CCDC7: variants seen among roughly 807,000 people sequenced by gnomAD.
The protein encoded by CCDC7 is coiled-coil domain-containing protein 7.
A neutral mutation model predicts 196.9 loss-of-function variants in CCDC7; 183 were observed. The ratio of observed to expected loss-of-function variants is 0.93; its 90% CI spans 0.82 to 1.05. The LOEUF (loss-of-function observed/expected upper bound fraction) is 1.05. CCDC7 is among the 50% of genes least tolerant of loss of function. The pLI, the probability that CCDC7 is intolerant of heterozygous loss-of-function variation, is 0.00. For synonymous variants in CCDC7, 525 were observed against 484.6 expected (o/e 1.08, Z -1.10); for missense variants, 1,540 against 1,482.2 (o/e 1.04, Z -0.64).
intron 41 of CCDC7, among the ~76,000 whole-genome samples, chr10:32,861,631 G>T (rs2093988048): frequency 6.6e-6 from 1 of 152,032 alleles, no homozygotes; most frequent in East Asian, 1.9e-4. Context: ...TAGTGAACAG[G>T]CAACCTACAG....
intron 24 of CCDC7, among the ~76,000 whole-genome samples, chr10:32,709,193 C>T (rs1190535212): frequency 6.6e-6 from 1 of 151,760 alleles, no homozygotes; most frequent in Non-Finnish European, 1.5e-5. Flanking sequence ...AAGCTGGAAA[C>T]CATCATTCTC....
chr10:32,832,986 C>T (rs2092328385), intron 32 of CCDC7, among the ~76,000 whole-genome samples: 1 of 151,886 alleles, frequency 6.6e-6, no homozygotes, highest in Non-Finnish European at 1.5e-5. Flanking sequence ...TAGATGGTAA[C>T]TCAAATCCAC....
Position 32,807,496 on chromosome 10 carries a change from A to G in CCDC7, c.3097+2398A>G, listed in dbSNP as rs954659780. Among the ~76,000 whole-genome samples, 28 of 152,226 alleles carry G rather than the reference A, an allele frequency of 1.8e-4. 1 individual carries two copies. The highest frequency in any genetic ancestry group is 6.5e-4 in the African/African-American group (27 of 41,532). ...AACAAATTTGGGAATTGATAATCAT[A>G]TTTCAAATAGATCGTCTAATCAGGA... On this transcript the variant is annotated intron_variant, in intron 30 of 41. Coordinates refer to ENST00000639629, the Ensembl canonical transcript of CCDC7.
At chr10:32,518,535 C>G in intron 11 of CCDC7, 30 bp downstream of exon 12, 1 of 1,571,124 alleles carries the variant, frequency 6.4e-7, no homozygotes, top group East Asian at 2.3e-5. Flanking sequence ...TTGAAAATGG[C>G]ATACACCTAA....
chr10:32,779,056 A>AATT, exon 29 of CCDC7: 1 of 1,549,916 alleles, frequency 6.5e-7, no homozygotes, highest in Non-Finnish European at 8.7e-7. Flanking sequence ...GCGACCTAAT[A>AATT]ATTCAATTTG....
chr10:32,474,059 T>C, intron 8 of CCDC7, 36 bp downstream of exon 9: 4 of 1,587,524 alleles, frequency 2.5e-6, no homozygotes, highest in Non-Finnish European at 2.6e-6. Flanking sequence ...ATTGTGATAA[T>C]AACCTCTGTT....
At position 32,647,841 on chromosome 10, in the gene CCDC7, A is replaced by T. The variant is rs187003370; in HGVS notation, c.2014+12683A>T. Among the ~76,000 whole-genome samples the T allele has an allele frequency of 4.1e-3, 618 of 152,326 alleles. 10 individuals carry two copies. Among genetic ancestry groups the T allele is most frequent in the Admixed American group, 0.026 (393 of 15,292 alleles). On this transcript the variant is annotated intron_variant, in intron 20 of 41. Transcript: ENST00000639629. Reference sequence around the variant, plus strand: ...AAGTTCTTTAGTTTAATTAAATCCTACTTGTCTATTTTTGTTTTTGTTGCA... The same window carrying T: ...AAGTTCTTTAGTTTAATTAAATCCTTCTTGTCTATTTTTGTTTTTGTTGCA...
At chr10:32,734,198 A>G (rs1435702758) in intron 28 of CCDC7, among the ~76,000 whole-genome samples, 1 of 152,206 alleles carries the variant, frequency 6.6e-6, no homozygotes, top group Non-Finnish European at 1.5e-5. Context: ...TCAATGACAA[A>G]TTATCTGTAT....
At chr10:32,493,964 A>G (rs910021318) in intron 9 of CCDC7, among the ~76,000 whole-genome samples, 2 of 152,086 alleles carry the variant, frequency 1.3e-5, no homozygotes, top group African/African-American at 4.8e-5. Flanking sequence ...ATGGTTTGCA[A>G]ATATTTTCTC....
At chr10:32,867,613 A>G (rs1336736697) in intron 41 of CCDC7, among the ~76,000 whole-genome samples, 1 of 151,628 alleles carries the variant, frequency 6.6e-6, no homozygotes, top group Non-Finnish European at 1.5e-5. Context: ...ACTAACGGGA[A>G]AATGGGCAAA....
intron 25 of CCDC7, among the ~76,000 whole-genome samples, chr10:32,722,361 G>A (rs192297911): frequency 2.0e-5 from 3 of 152,208 alleles, no homozygotes; most frequent in African/African-American, 4.8e-5. Context: ...TTACAGCAGC[G>A]ATCTACTTCC....
At chr10:32,653,666 G>C (rs571180685) in intron 20 of CCDC7, among the ~76,000 whole-genome samples, 1 of 152,202 alleles carries the variant, frequency 6.6e-6, no homozygotes, top group East Asian at 1.9e-4. Flanking sequence ...CTGAGAAAAT[G>C]GGTGAGGTTT....
chr10:32,470,963 TAAA>T, intron 5 of CCDC7, 98 bp from the exon 7 acceptor site: 1 of 1,173,012 alleles, frequency 8.5e-7, no homozygotes, highest in South Asian at 1.9e-5. Flanking sequence ...AAGAAAAATA[TAAA>T]AATTACTTTG....
chr10:32,489,556 A>G (rs2041832759), intron 8 of CCDC7, among the ~76,000 whole-genome samples: 1 of 152,316 alleles, frequency 6.6e-6, no homozygotes, highest in East Asian at 1.9e-4. Context: ...ACTATATTAT[A>G]CATGTGCATG....
intron 18 of CCDC7, among the ~76,000 whole-genome samples, chr10:32,620,970 G>T (rs11594145): frequency 0.075 from 11,485 of 152,176 alleles, 524 homozygotes; most frequent in East Asian, 0.16. Flanking sequence ...GACATTGGAA[G>T]TTTTGATAAA....
chr10:32,608,543 TA>T (rs1343903853), intron 18 of CCDC7, among the ~76,000 whole-genome samples: 1 of 152,144 alleles, frequency 6.6e-6, no homozygotes, highest in African/African-American at 2.4e-5. Context: ...CATGTTTTTT[TA>T]TTTTTTTATG....
At chr10:32,755,276 C>A (rs551083643) in intron 28 of CCDC7, among the ~76,000 whole-genome samples, 1 of 152,250 alleles carries the variant, frequency 6.6e-6, no homozygotes, top group Admixed American at 6.5e-5. Context: ...TAGTGTTTCT[C>A]CCAGCATGGA....
chr10:32,720,011 A>G (rs1196091343), intron 25 of CCDC7, among the ~76,000 whole-genome samples: 2 of 152,338 alleles, frequency 1.3e-5, no homozygotes, highest in African/African-American at 2.4e-5. Flanking sequence ...CAGCAATCCC[A>G]TTACTTGGTA....
rs577330020 is a variant in CCDC7 at position 32,882,160 on chromosome 10, G to C, written c.*2358-533G>C. On this transcript the variant is annotated intron_variant and NMD_transcript_variant, in intron 22 of 22. Transcript: ENST00000375025. Reference sequence around the variant, plus strand: ...ATAGAAGAGGGAGATTCAACTCCAAGTACAGCAAGGAAAGCTAAGAATTTA... The same window carrying C: ...ATAGAAGAGGGAGATTCAACTCCAACTACAGCAAGGAAAGCTAAGAATTTA... 1.3e-4 allele frequency among the ~76,000 whole-genome samples: 20 copies of C among 152,282 alleles called. No homozygotes were observed. In the East Asian group the frequency reaches 3.1e-3, roughly 24 times the overall value.
Sources: allele counts gnomAD v4.1 joint callset (sites outside exome capture counted in the v4.1 genomes callset), GRCh38; gene constraint gnomAD v4.1.1; transcripts MANE v1.5; gene names NCBI Gene and HGNC (gene_info 2026-07-23, HGNC 2026-07-21).